Variants in EML1 observed in about 807,000 individuals in gnomAD.
The protein encoded by EML1 is EMAP like 1.
In EML1, 27 loss-of-function variants were observed where a neutral mutation model predicts 110.4. The observed-to-expected ratio is 0.24, with a 90% CI of 0.18 to 0.34. EML1 has a LOEUF of 0.34. EML1 is among the 10% of genes least tolerant of loss of function. EML1 has a pLI of 1.00. For synonymous variants in EML1, 344 were observed against 385.8 expected (o/e 0.89, Z 1.27); for missense variants, 741 against 1,030.9 (o/e 0.72, Z 3.85).
rs187060832 is a variant in EML1, at chr14:99,828,312, A to G, written c.68-22541A>G. Among the ~76,000 whole-genome samples, 41 of 152,284 alleles carry G rather than the reference A, an allele frequency of 2.7e-4. No homozygotes were observed. The East Asian group carries it at 4.2e-3, about 16-fold the overall frequency. ...GTATGCCATTCTGAGTGGCAGGATG[A>G]AACCTTGTGCCGTCTGCTTTCATCC... On this transcript the variant is annotated intron_variant, in intron 1 of 21. Coordinates refer to ENST00000262233, the MANE Select transcript of EML1 (RefSeq NM_004434.3).
chr14:99,897,322 G>T, intron 7 of EML1, 28 bp downstream of exon 7: 1 of 1,559,966 alleles, frequency 6.4e-7, no homozygotes, highest in Non-Finnish European at 8.7e-7. Flanking sequence ...TCATTCCTGC[G>T]ACTCAGAAGG....
At position 99,809,444 on chromosome 14, in the gene EML1, A is replaced by G. The variant is rs184256275; in HGVS notation, c.67+15901A>G. ...GCAGTAGCGCATACTTACTCACGCA[A>G]TTTTCCATTCTGGCTGAAGTAAGGG... On this transcript the variant is annotated intron_variant, in intron 1 of 21. Coordinates refer to ENST00000262233, the MANE Select transcript of EML1 (RefSeq NM_004434.3). The G allele has an allele frequency of 4.6e-5, 15 of 328,498 alleles. No homozygotes were observed. The Admixed American group carries it at 5.9e-4, about 13-fold the overall frequency. The allele number at this position is 328,498 out of a possible 1,614,324, so 20.3% of individuals were successfully genotyped here.
At chr14:99,762,987 C>T (rs1272134602) in intron 1 of EML1, among the ~76,000 whole-genome samples, 1 of 152,078 alleles carries the variant, frequency 6.6e-6, no homozygotes, top group Non-Finnish European at 1.5e-5. Flanking sequence ...TCTTGAATTC[C>T]CACGTGTTGT....
chr14:99,862,939 G>A (rs757500370), intron 2 of EML1, among the ~76,000 whole-genome samples: 17 of 152,180 alleles, frequency 1.1e-4, no homozygotes, highest in Non-Finnish European at 2.9e-5. Context: ...CTGTGTGTGT[G>A]GGTGTCTATG....
intron 17 of EML1, among the ~76,000 whole-genome samples, chr14:99,929,239 G>C (rs995238403): frequency 6.6e-6 from 1 of 152,210 alleles, no homozygotes; most frequent in African/African-American, 2.4e-5. Context: ...CGGGCCAACC[G>C]CATTTGAATC....
At chr14:99,844,148 A>G (rs1367029609) in intron 1 of EML1, among the ~76,000 whole-genome samples, 3 of 152,216 alleles carry the variant, frequency 2.0e-5, no homozygotes, top group Non-Finnish European at 4.4e-5. Context: ...CTCATAGTAT[A>G]ATAGCAACCA....
chr14:99,929,721 G>A (rs1347746508), intron 17 of EML1, among the ~76,000 whole-genome samples: 3 of 152,190 alleles, frequency 2.0e-5, no homozygotes, highest in African/African-American at 7.2e-5. Flanking sequence ...GAGAGAGAGA[G>A]AAAGCATTCG....
At chr14:99,856,004 G>T (rs1419208847) in intron 2 of EML1, among the ~76,000 whole-genome samples, 1 of 152,174 alleles carries the variant, frequency 6.6e-6, no homozygotes, top group Non-Finnish European at 1.5e-5. Context: ...CTACTCATAG[G>T]TACCATGTAT....
chr14:99,860,987 C>T (rs2058994099), intron 2 of EML1, among the ~76,000 whole-genome samples: 1 of 152,042 alleles, frequency 6.6e-6, no homozygotes, highest in South Asian at 2.1e-4. Flanking sequence ...CTTTTAAAAT[C>T]CTATTTTCTA....
At chr14:99,900,742 G>A (rs906227216) in intron 8 of EML1, among the ~76,000 whole-genome samples, 187 bp from the exon 9 acceptor site, 2 of 152,024 alleles carry the variant, frequency 1.3e-5, no homozygotes, top group African/African-American at 2.4e-5. Flanking sequence ...TATCAACAAG[G>A]CCCTCCACCT....
At chr14:99,850,084 C>T in intron 1 of EML1, 1 of 362,784 alleles carries the variant, frequency 2.8e-6, no homozygotes, top group Admixed American at 3.7e-5. Flanking sequence ...CACATACCAC[C>T]ACACCTGGCT....
chr14:99,807,718 A>G (rs2058003388), intron 1 of EML1, among the ~76,000 whole-genome samples: 1 of 152,190 alleles, frequency 6.6e-6, no homozygotes, highest in Admixed American at 6.5e-5. Context: ...GATGCAGCCC[A>G]CGCAGGGGAG....
At chr14:99,828,974 G>GA (rs2058405003) in intron 1 of EML1, among the ~76,000 whole-genome samples, 1 of 152,086 alleles carries the variant, frequency 6.6e-6, no homozygotes, top group Non-Finnish European at 1.5e-5. Flanking sequence ...GTGACAAGCA[G>GA]AAAAAAATCC....
chr14:99,821,771 A>G (rs2058267509), intron 1 of EML1, among the ~76,000 whole-genome samples: 1 of 152,202 alleles, frequency 6.6e-6, no homozygotes. Context: ...CACATGATGA[A>G]ATGGAATAGG....
chr14:99,901,141 G>T (rs1415718565), intron 9 of EML1, 102 bp downstream of exon 9: 2 of 974,478 alleles, frequency 2.1e-6, no homozygotes, highest in East Asian at 4.9e-5. Flanking sequence ...ACCTGCCTGG[G>T]TGTATGTACA....
At chr14:99,865,734 T>C in intron 3 of EML1, 88 bp downstream of exon 3, 6 of 1,466,666 alleles carry the variant, frequency 4.1e-6, no homozygotes, top group Middle Eastern at 1.8e-4. Context: ...AATGACATTG[T>C]ACAATTTCTT....
At chr14:99,870,129 G>A (rs1210427874) in intron 3 of EML1, among the ~76,000 whole-genome samples, 4 of 152,202 alleles carry the variant, frequency 2.6e-5, no homozygotes, top group Non-Finnish European at 4.4e-5. Context: ...CAGTGAACAC[G>A]TGAATGATAA....
intron 13 of EML1, among the ~76,000 whole-genome samples, chr14:99,913,273 A>G (rs2059976045): frequency 6.6e-6 from 1 of 151,654 alleles, no homozygotes; most frequent in African/African-American, 2.4e-5. Flanking sequence ...CCCAGGCTCA[A>G]GTAATTCTCC....
At chr14:99,740,536 G>A (rs1048258698) in intron 1 of EML1, among the ~76,000 whole-genome samples, 43 of 152,300 alleles carry the variant, frequency 2.8e-4, no homozygotes, top group Admixed American at 2.4e-3. Context: ...GGAGGTGGCC[G>A]GCCCCTGGAT....
Sources: gnomAD v4.1 joint callset for allele counts (sites outside exome capture counted in the v4.1 genomes callset) on GRCh38, gnomAD v4.1.1 for gene constraint, MANE v1.5 for transcripts, NCBI Gene and HGNC (gene_info 2026-07-23, HGNC 2026-07-21) for gene names.